COL7A1: variants seen among roughly 807,000 people sequenced by gnomAD.
COL7A1 encodes the protein collagen alpha-1(VII) chain.
Under a neutral mutation model 456.2 loss-of-function variants are expected in COL7A1, and 296 were observed. The observed-to-expected ratio is 0.65, with a 90% confidence interval of 0.59 to 0.71. The LOEUF is 0.71. COL7A1 is among the 30% of genes least tolerant of loss of function. The probability of loss-of-function intolerance (pLI) is 0.00; values close to 1 mark genes in which losing one functional copy is unlikely to be tolerated. For synonymous variants in COL7A1, 1,464 were observed against 1,525.9 expected, an observed-to-expected ratio of 0.96 and a Z score of 0.95; for missense variants, 3,441 against 4,017.2, an observed-to-expected ratio of 0.86 and a Z score of 3.88.
chr3:48,583,608 G>A lies in COL7A1; in HGVS notation c.4349C>T (p.Ser1450Phe). 1 of 1,614,056 alleles carries A rather than the reference G, an allele frequency of 6.2e-7. No homozygotes were observed. Among genetic ancestry groups the A allele is most frequent in the Non-Finnish European group, 8.5e-7 (1 of 1,180,014 alleles). The change falls in exon 41 of 119, where the codon TCT (serine) becomes TTT (phenylalanine). Residue 1450 changes from serine (S) to phenylalanine (F), a missense_variant. By Grantham distance (155) the Ser-to-Phe change is radical (BLOSUM62 -2). Transcript: ENST00000681320. This position sits in a 1 kb window ranked among gnomAD's most constrained non-coding sequence, Gnocchi z 5.1. ...PPGKKGEKGD[S>F]EDGAPGLPGQ... ...TGGGAGGCCTGGAGCTCCATCCTCAGAGTCACCCTGAAGGAGAAACACACG... is the reference window on the plus strand; with the variant it reads ...TGGGAGGCCTGGAGCTCCATCCTCAAAGTCACCCTGAAGGAGAAACACACG...
intron 37 of COL7A1, 114 bp downstream of exon 37, chr3:48,584,184 G>C (rs2045028264): frequency 1.3e-6 from 2 of 1,567,004 alleles, no homozygotes; most frequent in Non-Finnish European, 1.7e-6. Flanking sequence ...AGGCGTCATG[G>C]TGAGGATGGG....
chr3:48,595,192 C>G lies in COL7A1; in HGVS notation c.-1-32G>C, dbSNP rs1364887089. On this transcript the variant is annotated intron_variant, in intron 1 of 118. Transcript: ENST00000681320. Reference sequence around the variant, plus strand: ...AGTAAAAGCCGTCAGCTAGGACCCCCGCCTCTGTCCCTTGCTCCCCCGTGG... The same window carrying G: ...AGTAAAAGCCGTCAGCTAGGACCCCGGCCTCTGTCCCTTGCTCCCCCGTGG... 5.2e-6 allele frequency: 8 copies of G among 1,530,418 alleles called. No individual in the cohort carries two copies. The Admixed American group carries it at 9.8e-5, about 19-fold the overall frequency. The allele number at this position is 1,530,418 out of a possible 1,614,324, so 94.8% of individuals were successfully genotyped here.
Position 48,566,677 on chromosome 3 carries a change from C to T in COL7A1, c.8287G>A (p.Gly2763Ser). The change falls in exon 112 of 119, where the codon GGC (glycine) becomes AGC (serine). Residue 2763 changes from glycine to serine, a missense_variant. Gly to Ser is a moderately conservative substitution (Grantham distance 56). Around this residue, in one of 3 missense-constraint regions of COL7A1, gnomAD observed 2,084 missense variants for 2,501.3 expected, o/e 0.83. Transcript: ENST00000681320. The surrounding 1 kb of genome is among the most constrained non-coding windows in gnomAD (Gnocchi z 5.9). ...CTACTCACCTGCTCCCCTCTCTCGC[C>T]AGGAGCTCCAGGGACCCCAGGAGCC... is the stretch of plus-strand genomic sequence containing the variant. ...VGAPGVPGAPGERGEQGRPGP... is the reference protein window; with the variant it reads ...VGAPGVPGAPSERGEQGRPGP... 1 of 1,614,122 alleles carries T rather than the reference C, an allele frequency of 6.2e-7. No homozygotes were observed. Among genetic ancestry groups the T allele is most frequent in the Non-Finnish European group, 8.5e-7 (1 of 1,180,012 alleles).
At position 48,575,037 on chromosome 3, in the gene COL7A1, G is replaced by C; in HGVS notation, c.6279+27C>G. Reference sequence around the variant, plus strand: ...GGTGGCTTCCTGGTCACTAGTCACAGGACTAAGGCAGGGATGGGGTGATCA... The same window carrying C: ...GGTGGCTTCCTGGTCACTAGTCACACGACTAAGGCAGGGATGGGGTGATCA... On this transcript the variant is annotated intron_variant, in intron 76 of 118. Transcript: ENST00000681320. The surrounding 1 kb of genome is among the most constrained non-coding windows in gnomAD (Gnocchi z 6.3). The C allele has an allele frequency of 6.2e-7, 1 of 1,608,190 alleles. No homozygotes were observed. Among genetic ancestry groups the C allele is most frequent in the Non-Finnish European group, 8.5e-7 (1 of 1,174,794 alleles).
Position 48,568,959 on chromosome 3 carries a change from A to G in COL7A1, c.7687-104T>C, listed in dbSNP as rs2043751693. 1.7e-6 allele frequency: 2 copies of G among 1,163,796 alleles called. No individual in the cohort carries two copies. Among genetic ancestry groups the G allele is most frequent in the Non-Finnish European group, 2.5e-6 (2 of 801,976 alleles). The allele number at this position is 1,163,796 out of a possible 1,614,324, so 72.1% of individuals were successfully genotyped here. A position where few individuals can be genotyped will look rare whatever the true frequency, so the allele number is the denominator to read the frequency against. Reference sequence around the variant, plus strand: ...GGGGCAGAGCTCAAGTCACTCCCGAACGGCCCTAGCAGCACGTCCTCCCAG... The same window carrying G: ...GGGGCAGAGCTCAAGTCACTCCCGAGCGGCCCTAGCAGCACGTCCTCCCAG... On this transcript the variant is annotated intron_variant, in intron 103 of 118. Transcript: ENST00000681320. This position sits in a 1 kb window ranked among gnomAD's most constrained non-coding sequence, Gnocchi z 5.2.
intron 65 of COL7A1, among the ~76,000 whole-genome samples, chr3:48,577,894 G>A (rs991931641): frequency 3.3e-5 from 5 of 152,170 alleles, no homozygotes; most frequent in African/African-American, 7.2e-5. Flanking sequence ...CAGGCCTGGC[G>A]CAATGGCTCA....
chr3:48,583,651 G>A lies in COL7A1; in HGVS notation c.4342-36C>T. 6.2e-7 allele frequency: 1 copy of A among 1,613,858 alleles called. No individual in the cohort carries two copies. The highest frequency in any genetic ancestry group is 8.5e-7 in the Non-Finnish European group (1 of 1,179,860). ...AACACACGGGTGGGAAGACCGAAGG[G>A]AGGCCCTGCCCCCAGCACGCAGCCT... is the stretch of plus-strand genomic sequence containing the variant. On this transcript the variant is annotated intron_variant, in intron 40 of 118. Transcript: ENST00000681320. The surrounding 1 kb of genome is among the most constrained non-coding windows in gnomAD (Gnocchi z 5.1).
Position 48,575,650 on chromosome 3 carries a change from G to A in COL7A1, c.5955C>T (p.Gly1985=), listed in dbSNP as rs772739066. ...CCTCCTTGCCTGGGGGGCCCTGTTC[G>A]CCTGAGTCCCCCTTGGGGCCTCGAC... The part of the protein sequence containing the change: ...ERRRGPKGDS[G]EQGPPGKEGP... Residue 1985 remains glycine, a synonymous_variant, in exon 73 of 119, where the codon GGC becomes GGT. Coordinates refer to ENST00000681320, the MANE Select transcript of COL7A1 (RefSeq NM_000094.4). The surrounding 1 kb of genome is among the most constrained non-coding windows in gnomAD (Gnocchi z 6.3). The A allele has an allele frequency of 2.1e-5, 34 of 1,613,326 alleles. No individual in the cohort carries two copies. The highest frequency in any genetic ancestry group is 2.0e-4 in the African/African-American group (15 of 74,950).
intron 68 of COL7A1, 52 bp from the exon 69 acceptor site, chr3:48,576,609 A>G: frequency 5.0e-6 from 8 of 1,593,346 alleles, no homozygotes; most frequent in Non-Finnish European, 6.8e-6. Context: ...GCTTCCCAGG[A>G]GGGTTGCCCA....
chr3:48,572,343 C>A lies in COL7A1; in HGVS notation c.6978+37G>T, dbSNP rs567159276. ...AAGTTAGGCCACTGGAGAGACAGGA[C>A]CCCCAGAACATCTGCTGTCAGAAGT... On this transcript the variant is annotated intron_variant, in intron 90 of 118. Coordinates refer to ENST00000681320, the MANE Select transcript of COL7A1 (RefSeq NM_000094.4). The surrounding 1 kb of genome is among the most constrained non-coding windows in gnomAD (Gnocchi z 4.6). The A allele has an allele frequency of 6.2e-5, 100 of 1,614,100 alleles. No individual in the cohort carries two copies. Among genetic ancestry groups the A allele is most frequent in the Non-Finnish European group, 8.2e-5 (97 of 1,179,980 alleles).
chr3:48,583,517 G>GT lies in COL7A1; in HGVS notation c.4401+38dup. 6.2e-7 allele frequency: 1 copy of GT among 1,613,628 alleles called. No homozygotes were observed. The highest frequency in any genetic ancestry group is 8.5e-7 in the Non-Finnish European group (1 of 1,179,666). On this transcript the variant is annotated intron_variant, in intron 41 of 118. Coordinates refer to ENST00000681320, the MANE Select transcript of COL7A1 (RefSeq NM_000094.4). This position sits in a 1 kb window ranked among gnomAD's most constrained non-coding sequence, Gnocchi z 5.1. ...GATGATTGAGGTAGGGGCTGGAGCTGTGCCCACCATATTCAGAATCCCTGG... is the reference window on the plus strand; with the variant it reads ...GATGATTGAGGTAGGGGCTGGAGCTGTTGCCCACCATATTCAGAATCCCTGG...
Position 48,585,405 on chromosome 3 carries a change from T to C in COL7A1, c.3894+152A>G. 1 of 924,088 alleles carries C rather than the reference T, an allele frequency of 1.1e-6. No individual in the cohort carries two copies. Among genetic ancestry groups the C allele is most frequent in the South Asian group, 1.4e-5 (1 of 71,486 alleles). 57.2% of individuals were successfully genotyped at this position (924,088 alleles called of 1,614,324 possible). A position where few individuals can be genotyped will look rare whatever the true frequency, so the allele number is the denominator to read the frequency against. ...CCACTGGCCCTTCTATTTCAGAGTG[T>C]CCCCCAAAGTCTCTGTGGTGGTTTA... On this transcript the variant is annotated intron_variant, in intron 32 of 118. Coordinates refer to ENST00000681320, the MANE Select transcript of COL7A1 (RefSeq NM_000094.4). This position sits in a 1 kb window ranked among gnomAD's most constrained non-coding sequence, Gnocchi z 4.5.
chr3:48,593,768 T>C lies in COL7A1; in HGVS notation c.267-72A>G. The stretch of plus-strand genomic sequence containing the variant: ...CTGGCCCTGGCCTTGAGGAGGCCTC[T>C]AGGGTGAGGGTTACGGGTATCAGGC... On this transcript the variant is annotated intron_variant, in intron 3 of 118. Coordinates refer to ENST00000681320, the MANE Select transcript of COL7A1 (RefSeq NM_000094.4). The surrounding 1 kb of genome is among the most constrained non-coding windows in gnomAD (Gnocchi z 4.4). The C allele has an allele frequency of 6.4e-7, 1 of 1,568,466 alleles. No homozygotes were observed. Among genetic ancestry groups the C allele is most frequent in the Non-Finnish European group, 8.8e-7 (1 of 1,138,662 alleles).
At chr3:48,576,199 C>A in intron 71 of COL7A1, 50 bp downstream of exon 71, 1 of 1,611,678 alleles carries the variant, frequency 6.2e-7, no homozygotes, top group Non-Finnish European at 8.5e-7. Flanking sequence ...CAAGGTGGCC[C>A]CAATGGGCAT....
Position 48,564,437 on chromosome 3 carries a change from T to C in COL7A1, c.8819-15A>G. On this transcript the variant is annotated splice_polypyrimidine_tract_variant and intron_variant, in intron 118 of 118. Transcript: ENST00000681320. This position sits in a 1 kb window ranked among gnomAD's most constrained non-coding sequence, Gnocchi z 6.0. ...CTGGGCAGTACCTGGTGAGGACAGG[T>C]TGGAAACGGTCGTCAGCCATCTGAC... 1 of 1,613,810 alleles carries C rather than the reference T, an allele frequency of 6.2e-7. No homozygotes were observed. The highest frequency in any genetic ancestry group is 8.5e-7 in the Non-Finnish European group (1 of 1,179,870).
Position 48,579,057 on chromosome 3 carries a change from G to C in COL7A1, c.5389-103C>G. ...GGCAAGAACATGCCCCACCCAGGCA[G>C]GGCTCTGGGAGAAGACACAGACAAC... On this transcript the variant is annotated intron_variant, in intron 62 of 118. Transcript: ENST00000681320. The surrounding 1 kb of genome is among the most constrained non-coding windows in gnomAD (Gnocchi z 4.4). The C allele has an allele frequency of 6.4e-7, 1 of 1,564,734 alleles. No homozygotes were observed. The highest frequency in any genetic ancestry group is 8.8e-7 in the Non-Finnish European group (1 of 1,136,610).
chr3:48,586,818 A>G lies in COL7A1; in HGVS notation c.3277-129T>C, dbSNP rs1281013235. ...CTATTAGGGAGTCAGCAGTGATGGCAGGATAGGGAGCCAGGCAGTAGGTGA... is the reference window on the plus strand; with the variant it reads ...CTATTAGGGAGTCAGCAGTGATGGCGGGATAGGGAGCCAGGCAGTAGGTGA... On this transcript the variant is annotated intron_variant, in intron 25 of 118. Coordinates refer to ENST00000681320, the MANE Select transcript of COL7A1 (RefSeq NM_000094.4). The surrounding 1 kb of genome is among the most constrained non-coding windows in gnomAD (Gnocchi z 5.1). 2.0e-6 allele frequency: 3 copies of G among 1,501,828 alleles called. No individual in the cohort carries two copies. In the Admixed American group the frequency reaches 5.9e-5, roughly 30 times the overall value. 93.0% of individuals were successfully genotyped at this position (1,501,828 alleles called of 1,614,324 possible).
chr3:48,578,062 G>A lies in COL7A1; in HGVS notation c.5532+259C>T, dbSNP rs950502615. Among the ~76,000 whole-genome samples, 1 of 152,164 alleles carries A rather than the reference G, an allele frequency of 6.6e-6. No homozygotes were observed. Among genetic ancestry groups the A allele is most frequent in the Non-Finnish European group, 1.5e-5 (1 of 68,036 alleles). ...GCCTGTAATCCCAGTTACTCGGGAGGTTGAGGCAGGAGAATCACTTGAACC... is the reference window on the plus strand; with the variant it reads ...GCCTGTAATCCCAGTTACTCGGGAGATTGAGGCAGGAGAATCACTTGAACC... On this transcript the variant is annotated intron_variant, in intron 65 of 118. Transcript: ENST00000681320. The surrounding 1 kb of genome is among the most constrained non-coding windows in gnomAD (Gnocchi z 4.7).
chr3:48,585,430 A>G lies in COL7A1; in HGVS notation c.3894+127T>C. On this transcript the variant is annotated intron_variant, in intron 32 of 118. Transcript: ENST00000681320. This position sits in a 1 kb window ranked among gnomAD's most constrained non-coding sequence, Gnocchi z 4.5. ...TCCCCCAAAGTCTCTGTGGTGGTTTATAACCTCCAGCTGGGCTTCTAGGAA... is the reference window on the plus strand; with the variant it reads ...TCCCCCAAAGTCTCTGTGGTGGTTTGTAACCTCCAGCTGGGCTTCTAGGAA... 8.7e-7 allele frequency: 1 copy of G among 1,150,336 alleles called. No individual in the cohort carries two copies. The highest frequency in any genetic ancestry group is 1.2e-5 in the South Asian group (1 of 80,790). 71.3% of individuals were successfully genotyped at this position (1,150,336 alleles called of 1,614,324 possible).
Sources: gnomAD v4.1 joint callset for allele counts (sites outside exome capture counted in the v4.1 genomes callset) on GRCh38, gnomAD v4.1.1 for gene constraint, gnomAD v4.1.1 regional missense constraint, Gnocchi (gnomAD v3.1) non-coding constraint, MANE v1.5 for transcripts, NCBI Gene and HGNC (gene_info 2026-07-23, HGNC 2026-07-21) for gene names.